Variants in LAMA3 observed in about 807,000 individuals in gnomAD.
The protein encoded by LAMA3 is laminin subunit alpha-3.
Under a neutral mutation model 402.0 loss-of-function variants are expected in LAMA3, and 281 were observed. The observed-to-expected ratio is 0.70, with a 90% CI of 0.63 to 0.77. The LOEUF (loss-of-function observed/expected upper bound fraction) is 0.77, where lower values mean the gene tolerates loss of function less well. Among genes scored for constraint, LAMA3 ranks in the 30% least tolerant of loss-of-function variants. The pLI is 0.00. For missense variants in LAMA3, 3,840 were observed against 4,215.5 expected, an observed-to-expected ratio of 0.91 and a Z score of 2.47; for synonymous variants, 1,431 against 1,558.4, an observed-to-expected ratio of 0.92 and a Z score of 1.93.
At chr18:23,709,020 G>T (rs142361897) in intron 1 of LAMA3, among the ~76,000 whole-genome samples, 2,152 of 152,054 alleles carry the variant, frequency 0.014, 47 homozygotes, top group African/African-American at 0.049. Flanking sequence ...CTCCCAAAGT[G>T]CTGGGATTAC....
intron 39 of LAMA3, among the ~76,000 whole-genome samples, chr18:23,878,616 T>A (rs1246502722): frequency 6.6e-6 from 1 of 152,236 alleles, no homozygotes; most frequent in Non-Finnish European, 1.5e-5. Context: ...TGAGAATGCA[T>A]TCCTCGTTCT....
chr18:23,946,857 T>G (rs1464435121), intron 70 of LAMA3: 1 of 157,036 alleles, frequency 6.4e-6, no homozygotes, highest in Non-Finnish European at 1.4e-5. Context: ...GTGACCTATG[T>G]GTTCTTTGCT....
At chr18:23,887,472 A>G (rs566765935) in intron 41 of LAMA3, among the ~76,000 whole-genome samples, 5 of 152,180 alleles carry the variant, frequency 3.3e-5, no homozygotes, top group Non-Finnish European at 7.4e-5. Context: ...AAAATTTTTA[A>G]TTAACAGTAC....
chr18:23,819,786 T>C, intron 18 of LAMA3, 55 bp from the exon 19 acceptor site: 1 of 1,466,754 alleles, frequency 6.8e-7, no homozygotes, highest in Non-Finnish European at 9.6e-7. Flanking sequence ...TAAAAGATGT[T>C]CAGATGATCT....
chr18:23,847,198 GC>G (rs1255949445), intron 31 of LAMA3, among the ~76,000 whole-genome samples: 1 of 152,202 alleles, frequency 6.6e-6, no homozygotes, highest in East Asian at 1.9e-4. Context: ...TGGTCCAGAG[GC>G]CCCATATGAG....
chr18:23,786,636 G>T (rs2062550338), intron 12 of LAMA3, among the ~76,000 whole-genome samples: 1 of 152,194 alleles, frequency 6.6e-6, no homozygotes, highest in Non-Finnish European at 1.5e-5. Flanking sequence ...ATACATAGGG[G>T]AAGAAGAAGA....
chr18:23,721,179 T>G (rs2061206668), intron 2 of LAMA3, among the ~76,000 whole-genome samples: 1 of 151,962 alleles, frequency 6.6e-6, no homozygotes, highest in African/African-American at 2.4e-5. Context: ...AAAGTCTCTC[T>G]CTCTTTCTCT....
Position 23,952,978 on chromosome 18 carries a change from T to TC in LAMA3, c.9737-10dup. The TC allele has an allele frequency of 1.2e-6, 2 of 1,613,902 alleles. No individual in the cohort carries two copies. The highest frequency in any genetic ancestry group is 1.7e-6 in the Non-Finnish European group (2 of 1,179,876). On this transcript the variant is annotated splice_polypyrimidine_tract_variant and intron_variant, in intron 73 of 74. Coordinates refer to ENST00000313654, the MANE Select transcript of LAMA3 (RefSeq NM_198129.4). The stretch of plus-strand genomic sequence containing the variant: ...CCTCCGATGATAGACCTAACCAGCC[T>TC]CCTTTCCCCAGTCACCATAAAACAA...
intron 48 of LAMA3, among the ~76,000 whole-genome samples, chr18:23,901,776 C>G (rs907370965): frequency 6.6e-6 from 1 of 152,188 alleles, no homozygotes; most frequent in Non-Finnish European, 1.5e-5. Context: ...TACAGGCCAC[C>G]TACAGAAGCT....
rs1382272659 is a variant in LAMA3 at position 23,822,317 on chromosome 18, A to G, written c.2370A>G (p.Arg790=). ...SSGSLFRVIL[R]YVNPGTEAVS... The stretch of plus-strand genomic sequence containing the variant: ...GCTCCTTGTTTCGTGTTATTCTGAG[A>G]TACGTTAACCCTGGAACTGAAGCAG... The change falls in exon 20 of 75, where the codon AGA becomes AGG. Residue 790 remains arginine (R), a synonymous_variant. Transcript: ENST00000313654. The G allele has an allele frequency of 6.2e-7, 1 of 1,613,806 alleles. No homozygotes were observed. Among genetic ancestry groups the G allele is most frequent in the Admixed American group, 1.7e-5 (1 of 60,030 alleles).
At chr18:23,775,396 A>G (rs1366043667) in intron 9 of LAMA3, among the ~76,000 whole-genome samples, 1 of 152,150 alleles carries the variant, frequency 6.6e-6, no homozygotes, top group Non-Finnish European at 1.5e-5. Context: ...CTGTGTATTG[A>G]TGACCACTTT....
In LAMA3 at chr18:23,709,683, A is replaced by G. The variant is rs908391988; in HGVS notation, c.295-4237A>G. ...AAAGTGGCCTGTCCCAGTGATACTCATGGGAAGGAAAGAGCCTCCTCAATG... is the reference window on the plus strand; with the variant it reads ...AAAGTGGCCTGTCCCAGTGATACTCGTGGGAAGGAAAGAGCCTCCTCAATG... On this transcript the variant is annotated intron_variant, in intron 1 of 74. Coordinates refer to ENST00000313654, the MANE Select transcript of LAMA3 (RefSeq NM_198129.4). 2.0e-4 allele frequency: 82 copies of G among 405,044 alleles called. 1 individual carries two copies. Among genetic ancestry groups the G allele is most frequent in the African/African-American group, 1.7e-3 (80 of 48,060 alleles). 25.1% of individuals were successfully genotyped at this position (405,044 alleles called of 1,614,324 possible).
rs776362739 is a variant in LAMA3, at chr18:23,775,843, G to A, written c.1325G>A (p.Arg442His). ...HADGCEQGSG[R>H]CHCKPNFHGD... is the part of the protein sequence containing the mutation. ...GATGGCTGTGAACAGGGTTCAGGCCGCTGTCACTGCAAGCCAAATTTCCAC... is the reference window on the plus strand; with the variant it reads ...GATGGCTGTGAACAGGGTTCAGGCCACTGTCACTGCAAGCCAAATTTCCAC... The change falls in exon 10 of 75, where the codon CGC (arginine) becomes CAC (histidine). Residue 442 changes from arginine to histidine, a missense_variant. Physicochemically the swap from Arg to His is conservative, Grantham distance 29. Around this residue, in one of 3 missense-constraint regions of LAMA3, gnomAD observed 2,109 missense variants for 2,376.0 expected, o/e 0.89. Transcript: ENST00000313654. 68 of 1,613,794 alleles carry A rather than the reference G, an allele frequency of 4.2e-5. No individual in the cohort carries two copies. Among genetic ancestry groups the A allele is most frequent in the Non-Finnish European group, 5.3e-5 (62 of 1,179,794 alleles).
rs2082226591 is a variant in LAMA3 at position 23,933,563 on chromosome 18, A to G, written c.8709-219A>G. ...ACATTCCAAATCTTCTCCTCTAGCT[A>G]TTTTAAATTATACAATAAATCATCA... On this transcript the variant is annotated intron_variant, in intron 66 of 74. Transcript: ENST00000313654. Among the ~76,000 whole-genome samples, 3 of 152,176 alleles carry G rather than the reference A, an allele frequency of 2.0e-5. No individual in the cohort carries two copies. The South Asian group carries it at 6.2e-4, about 32-fold the overall frequency.
chr18:23,794,463 T>C (rs60623445), intron 12 of LAMA3, among the ~76,000 whole-genome samples: 3,108 of 152,246 alleles, frequency 0.02, 101 homozygotes, highest in African/African-American at 0.071. Flanking sequence ...AAGCCAGCTG[T>C]GGGGAAAGAA....
chr18:23,770,284 T>G (rs971989495), intron 8 of LAMA3, among the ~76,000 whole-genome samples: 2 of 151,496 alleles, frequency 1.3e-5, no homozygotes, highest in African/African-American at 4.9e-5. Context: ...ATTAAGAAAA[T>G]GAATAGGCAA....
chr18:23,857,974 G>T lies in LAMA3; in HGVS notation c.4267G>T (p.Ala1423Ser). The change falls in exon 33 of 75, where the codon GCT (alanine) becomes TCT (serine). Residue 1423 changes from alanine to serine, a missense_variant. Around this residue, in one of 3 missense-constraint regions of LAMA3, gnomAD observed 2,109 missense variants for 2,376.0 expected, o/e 0.89. Coordinates refer to ENST00000313654, the MANE Select transcript of LAMA3 (RefSeq NM_198129.4). Reference protein sequence around the residue: ...EPGVCDPGTGACLCKENVEGT... With the variant: ...EPGVCDPGTGSCLCKENVEGT... Reference sequence around the variant, plus strand: ...AGGAGTGTGTGACCCAGGGACCGGGGCTTGCCTCTGCAAGGTAAGAGAGAT... The same window carrying T: ...AGGAGTGTGTGACCCAGGGACCGGGTCTTGCCTCTGCAAGGTAAGAGAGAT... The T allele has an allele frequency of 1.2e-6, 2 of 1,614,160 alleles. No homozygotes were observed. The highest frequency in any genetic ancestry group is 2.2e-5 in the South Asian group (2 of 91,078).
rs1203349990 is a variant in LAMA3 at position 23,871,604 on chromosome 18, A to G, written c.4941A>G (p.Ile1647Met). 3 of 1,614,008 alleles carry G rather than the reference A, an allele frequency of 1.9e-6. No homozygotes were observed. The Admixed American group carries it at 5.0e-5, about 27-fold the overall frequency. ...EEASDTGSGRIALAVEICACP... is the reference protein window; with the variant it reads ...EEASDTGSGRMALAVEICACP... ...CCTCTGACACAGGAAGTGGGCGCAT[A>G]GCACTTGCTGTGGAAATCTGTGCCT... Residue 1647 changes from isoleucine (I) to methionine (M), a missense_variant, in exon 38 of 75, where the codon ATA becomes ATG. Transcript: ENST00000313654.
intron 1 of LAMA3, among the ~76,000 whole-genome samples, chr18:23,699,753 C>G (rs568559435): frequency 1.6e-4 from 24 of 152,220 alleles, no homozygotes; most frequent in African/African-American, 5.8e-4. Flanking sequence ...ATGTCAGAGG[C>G]GTTCGAACTA....
Sources: allele counts gnomAD v4.1 joint callset (sites outside exome capture counted in the v4.1 genomes callset), GRCh38; gene constraint gnomAD v4.1.1; regional missense constraint gnomAD v4.1.1; transcripts MANE v1.5; gene names NCBI Gene and HGNC (gene_info 2026-07-23, HGNC 2026-07-21).